The following SIN3B variants were observed in gnomAD, a reference collection of about 807,000 sequenced individuals.
SIN3B encodes the protein paired amphipathic helix protein Sin3b.
Under a neutral mutation model 120.2 loss-of-function variants are expected in SIN3B, and 19 were observed. That is an observed-to-expected ratio of 0.16 (90% CI 0.11 to 0.23). The LOEUF is 0.23. Among genes scored for constraint, SIN3B ranks in the 10% least tolerant of loss-of-function variants. The probability of loss-of-function intolerance (pLI) is 1.00; values close to 1 mark genes in which losing one functional copy is unlikely to be tolerated. For missense variants in SIN3B, 1,073 were observed against 1,573.0 expected (o/e 0.68, Z 5.38); for synonymous variants, 654 against 653.2 (o/e 1.00, Z -0.02).
intron 3 of SIN3B, among the ~76,000 whole-genome samples, chr19:16,833,276 G>T (rs1369490667): frequency 6.6e-6 from 1 of 152,214 alleles, no homozygotes; most frequent in Non-Finnish European, 1.5e-5. Context: ...GTTGGAAAGA[G>T]AACAGCGAAG....
At chr19:16,872,886 C>T (rs911444291) in intron 14 of SIN3B, among the ~76,000 whole-genome samples, 3 of 152,234 alleles carry the variant, frequency 2.0e-5, no homozygotes, top group Middle Eastern at 3.4e-3. Flanking sequence ...TTCCGAGGAA[C>T]GACCCCCGAT....
At chr19:16,839,801 A>T (rs551142281) in intron 3 of SIN3B, among the ~76,000 whole-genome samples, 1 of 152,270 alleles carries the variant, frequency 6.6e-6, no homozygotes, top group South Asian at 2.1e-4. Flanking sequence ...TGGGCAGATC[A>T]CTTGAGGTCA....
Position 16,876,169 on chromosome 19 carries a change from A to T in SIN3B, c.2707A>T (p.Arg903Trp), listed in dbSNP as rs1239232205. ...GTCCTCCCGCTGCGTCCGCGCTGCT[A>T]GGGAGACCAGCTACCAGTGGAAGGC... Reference protein sequence around the residue: ...NLSSRCVRAARETSYQWKAER... With the variant: ...NLSSRCVRAAWETSYQWKAER... The change falls in exon 15 of 19, where the codon AGG becomes TGG. Residue 903 changes from arginine to tryptophan, a missense_variant. This residue lies in a region of SIN3B where 311 missense variants were observed against 400.3 expected (regional missense o/e 0.78). Coordinates refer to ENST00000248054, the MANE Select transcript of SIN3B (RefSeq NM_001297595.2). This position sits in a 1 kb window ranked among gnomAD's most constrained non-coding sequence, Gnocchi z 7.1. 20 of 1,613,100 alleles carry T rather than the reference A, an allele frequency of 1.2e-5. No individual in the cohort carries two copies. The highest frequency in any genetic ancestry group is 1.0e-5 in the Non-Finnish European group (12 of 1,179,954).
intron 8 of SIN3B, among the ~76,000 whole-genome samples, chr19:16,856,140 C>T (rs1396591166): frequency 6.6e-6 from 1 of 152,192 alleles, no homozygotes; most frequent in Non-Finnish European, 1.5e-5. Flanking sequence ...TAGCTTCTAA[C>T]CTCTGGTGGC....
chr19:16,862,661 C>T lies in SIN3B; in HGVS notation c.1266+102C>T. On this transcript the variant is annotated intron_variant, in intron 9 of 18. Coordinates refer to ENST00000248054, the MANE Select transcript of SIN3B (RefSeq NM_001297595.2). The surrounding 1 kb of genome is among the most constrained non-coding windows in gnomAD (Gnocchi z 4.7). Reference sequence around the variant, plus strand: ...CGTTATGAATGAAATGCTGTGTGCTCAGCCCTCCTGAATGTTGGGTTATGG... The same window carrying T: ...CGTTATGAATGAAATGCTGTGTGCTTAGCCCTCCTGAATGTTGGGTTATGG... 8.0e-7 allele frequency: 1 copy of T among 1,252,248 alleles called. No homozygotes were observed. Among genetic ancestry groups the T allele is most frequent in the Non-Finnish European group, 1.1e-6 (1 of 872,322 alleles). The allele number at this position is 1,252,248 out of a possible 1,614,324, so 77.6% of individuals were successfully genotyped here.
chr19:16,837,951 G>T (rs1379715113), intron 3 of SIN3B, among the ~76,000 whole-genome samples: 2 of 152,110 alleles, frequency 1.3e-5, no homozygotes, highest in Non-Finnish European at 2.9e-5. Context: ...GCTGTGTGTG[G>T]ATGCTCAGAT....
At chr19:16,873,483 G>A (rs1016351839) in intron 14 of SIN3B, among the ~76,000 whole-genome samples, 1 of 151,608 alleles carries the variant, frequency 6.6e-6, no homozygotes, top group African/African-American at 2.4e-5. Flanking sequence ...TGTTGGGGAA[G>A]TGACGCAGGG....
chr19:16,848,978 A>G (rs1035056317), intron 5 of SIN3B, among the ~76,000 whole-genome samples: 1 of 152,234 alleles, frequency 6.6e-6, no homozygotes, highest in Non-Finnish European at 1.5e-5. Flanking sequence ...GCACCCGGCT[A>G]GCTCAGTCAG....
At chr19:16,836,088 G>C (rs759554715) in intron 3 of SIN3B, among the ~76,000 whole-genome samples, 1 of 152,170 alleles carries the variant, frequency 6.6e-6, no homozygotes, top group Non-Finnish European at 1.5e-5. Flanking sequence ...TCCCAGCCTC[G>C]GGCAGCCTTT....
chr19:16,874,066 C>T (rs1289092853), intron 14 of SIN3B, among the ~76,000 whole-genome samples: 1 of 152,216 alleles, frequency 6.6e-6, no homozygotes, highest in Non-Finnish European at 1.5e-5. Flanking sequence ...ATTCACACAG[C>T]CCTGTCTGCC....
intron 12 of SIN3B, among the ~76,000 whole-genome samples, chr19:16,867,342 G>A (rs1232723116): frequency 5.3e-5 from 8 of 152,328 alleles, no homozygotes; most frequent in East Asian, 1.9e-4. Context: ...CGAGGCTTTC[G>A]GCTGCATGTC....
intron 14 of SIN3B, among the ~76,000 whole-genome samples, chr19:16,873,565 C>A (rs1005051268): frequency 1.4e-5 from 2 of 139,698 alleles, no homozygotes; most frequent in African/African-American, 5.1e-5. Context: ...GCCATGGCTT[C>A]GGGGACAGCA....
At chr19:16,851,660 G>T (rs1469523180) in intron 6 of SIN3B, 126 bp downstream of exon 6, 2 of 1,254,488 alleles carry the variant, frequency 1.6e-6, no homozygotes, top group Admixed American at 3.3e-5. Context: ...GCTGTGTGAG[G>T]TTCACCGGCA....
chr19:16,871,211 G>C lies in SIN3B; in HGVS notation c.2423-18G>C. Reference sequence around the variant, plus strand: ...CGCTCTCCAGGAGGCATATGGATGAGGCGGTGTGTCTCCGCAGGTGAAGTG... The same window carrying C: ...CGCTCTCCAGGAGGCATATGGATGACGCGGTGTGTCTCCGCAGGTGAAGTG... On this transcript the variant is annotated intron_variant, in intron 13 of 18. Transcript: ENST00000248054. 1 of 1,614,026 alleles carries C rather than the reference G, an allele frequency of 6.2e-7. No individual in the cohort carries two copies. Among genetic ancestry groups the C allele is most frequent in the South Asian group, 1.1e-5 (1 of 91,084 alleles).
At chr19:16,872,803 G>C (rs2051529438) in intron 14 of SIN3B, 2 of 152,300 alleles carry the variant, frequency 1.3e-5, no homozygotes, top group Admixed American at 1.3e-4. Context: ...GTTAACAGCA[G>C]CACACAGCGC....
chr19:16,832,541 C>T lies in SIN3B; in HGVS notation c.381+894C>T, dbSNP rs182788256. 8.4e-3 allele frequency among the ~76,000 whole-genome samples: 1,271 copies of T among 150,624 alleles called. 8 individuals carry two copies. The highest frequency in any genetic ancestry group is 0.014 in the Non-Finnish European group (933 of 67,646). On this transcript the variant is annotated intron_variant, in intron 3 of 18. Transcript: ENST00000248054. ...TTTAAGACAGGTTCTCACTCTGTTG[C>T]CCAGGCTGGAGTGCAGTGGTGCCAT... is the stretch of plus-strand genomic sequence containing the variant.
intron 3 of SIN3B, among the ~76,000 whole-genome samples, chr19:16,840,198 G>A (rs960741364): frequency 1.3e-5 from 2 of 152,048 alleles, no homozygotes; most frequent in East Asian, 1.9e-4. Context: ...TAGCCCCAGC[G>A]CCTCAGAACG....
chr19:16,854,098 T>C, intron 7 of SIN3B, 45 bp from the exon 8 acceptor site: 1 of 1,473,818 alleles, frequency 6.8e-7, no homozygotes, highest in Non-Finnish European at 9.4e-7. Flanking sequence ...GCCCAGAGGC[T>C]GAGGAGCAGG....
In SIN3B at chr19:16,831,498, G is replaced by A. The variant is rs1259449664; in HGVS notation, c.232G>A (p.Asp78Asn). Residue 78 changes from aspartate (D) to asparagine (N), a missense_variant, in exon 3 of 19, where the codon GAT (aspartate) becomes AAT (asparagine). Physicochemically the swap from Asp to Asn is conservative, Grantham distance 23. Around this residue, in one of 7 missense-constraint regions of SIN3B, gnomAD observed 395 missense variants for 528.0 expected, o/e 0.75. Coordinates refer to ENST00000248054, the MANE Select transcript of SIN3B (RefSeq NM_001297595.2). ...CACTTCCGTTGTTTCTTCTAGCATC[G>A]ATACTCCTGGAGTCATCAGACGTGT... The part of the protein sequence containing the change: ...IMKEFKSQSI[D>N]TPGVIRRVSQ... 6.2e-7 allele frequency: 1 copy of A among 1,612,638 alleles called. No homozygotes were observed. The highest frequency in any genetic ancestry group is 8.5e-7 in the Non-Finnish European group (1 of 1,179,400).
Sources: allele counts gnomAD v4.1 joint callset (sites outside exome capture counted in the v4.1 genomes callset), GRCh38; gene constraint gnomAD v4.1.1; regional missense constraint gnomAD v4.1.1; non-coding constraint Gnocchi (gnomAD v3.1); transcripts MANE v1.5; gene names NCBI Gene and HGNC (gene_info 2026-07-23, HGNC 2026-07-21).